Variants in GPR39 observed in about 807,000 individuals in gnomAD.
The protein encoded by GPR39 is G protein-coupled receptor 39.
GPR39 carries 23 observed loss-of-function variants against 18.4 expected under a neutral mutation model. The observed-to-expected ratio is 1.25, with a 90% CI of 0.90 to 1.77. GPR39 has a LOEUF of 1.77. GPR39 is among the 40% of genes most tolerant of loss of function. GPR39 has a pLI of 0.00. For missense variants in GPR39, 647 were observed against 602.4 expected, an observed-to-expected ratio of 1.07 and a Z score of -0.78; for synonymous variants, 280 against 257.9, an observed-to-expected ratio of 1.09 and a Z score of -0.82.
At chr2:132,504,286 C>G (rs1425141769) in intron 1 of GPR39, among the ~76,000 whole-genome samples, 2 of 152,156 alleles carry the variant, frequency 1.3e-5, no homozygotes, top group Non-Finnish European at 2.9e-5. Flanking sequence ...TCTCCTCTTG[C>G]CATGATATCT....
At chr2:132,513,462 C>A (rs1239411704) in intron 1 of GPR39, among the ~76,000 whole-genome samples, 21 of 149,462 alleles carry the variant, frequency 1.4e-4, no homozygotes, top group Admixed American at 1.3e-4. Flanking sequence ...GACTCTGTCT[C>A]AAAAAAAAAG....
At chr2:132,577,737 G>A (rs1305609373) in intron 1 of GPR39, among the ~76,000 whole-genome samples, 2 of 152,130 alleles carry the variant, frequency 1.3e-5, no homozygotes, top group Non-Finnish European at 2.9e-5. Flanking sequence ...CTTGTATCCT[G>A]TAACCTTATT....
At chr2:132,517,973 T>G (rs1275202098) in intron 1 of GPR39, among the ~76,000 whole-genome samples, 1 of 152,148 alleles carries the variant, frequency 6.6e-6, no homozygotes, top group Non-Finnish European at 1.5e-5. Flanking sequence ...TTTGCTATGT[T>G]TGGGGGGAAT....
chr2:132,617,425 CT>C (rs1442423850), intron 1 of GPR39, among the ~76,000 whole-genome samples: 4 of 152,106 alleles, frequency 2.6e-5, no homozygotes, highest in Non-Finnish European at 5.9e-5. Context: ...TTGTACCAAT[CT>C]TTAGAACACT....
chr2:132,627,229 G>C (rs1273624554), intron 1 of GPR39, among the ~76,000 whole-genome samples: 3 of 152,146 alleles, frequency 2.0e-5, no homozygotes, highest in Non-Finnish European at 2.9e-5. Flanking sequence ...TAGAGAGCGA[G>C]GACTACCTCC....
intron 1 of GPR39, among the ~76,000 whole-genome samples, chr2:132,482,221 G>A (rs1681247983): frequency 6.6e-6 from 1 of 152,132 alleles, no homozygotes; most frequent in South Asian, 2.1e-4. Context: ...TCTGTGTCAT[G>A]GGAATTCACT....
intron 1 of GPR39, among the ~76,000 whole-genome samples, chr2:132,455,283 T>A (rs1395483970): frequency 6.6e-6 from 1 of 152,228 alleles, no homozygotes; most frequent in Non-Finnish European, 1.5e-5. Context: ...GTGTTTATAG[T>A]ATTCTCTGAT....
intron 1 of GPR39, among the ~76,000 whole-genome samples, chr2:132,538,976 A>G (rs1171801234): frequency 6.6e-6 from 1 of 152,166 alleles, no homozygotes; most frequent in Non-Finnish European, 1.5e-5. Flanking sequence ...ATTTCAAGCC[A>G]GTGGTTCTTA....
intron 1 of GPR39, among the ~76,000 whole-genome samples, chr2:132,561,427 G>A (rs1000156125): frequency 6.6e-6 from 1 of 152,278 alleles, no homozygotes; most frequent in South Asian, 2.1e-4. Context: ...TAGTGTAGGA[G>A]ATGACTTCAT....
At chr2:132,481,263 C>T (rs905597069) in intron 1 of GPR39, among the ~76,000 whole-genome samples, 8 of 152,110 alleles carry the variant, frequency 5.3e-5, no homozygotes, top group Admixed American at 2.0e-4. Flanking sequence ...GTCATCACCT[C>T]AAGATTCCCA....
chr2:132,417,195 C>A lies in GPR39; in HGVS notation c.153C>A (p.Thr51=). ...TGGGCCTTCTGGGGAACAGCGCCAC[C>A]ATTCGGGTCACCCAGGTGCTGCAGA... ...FVMGLLGNSA[T]IRVTQVLQKK... is the part of the protein sequence containing the mutation. Residue 51 remains threonine (T), a synonymous_variant, in exon 1 of 2, where the codon ACC becomes ACA. Transcript: ENST00000329321. 6.2e-7 allele frequency: 1 copy of A among 1,614,120 alleles called. No homozygotes were observed. The highest frequency in any genetic ancestry group is 8.5e-7 in the Non-Finnish European group (1 of 1,180,016).
chr2:132,626,838 T>C (rs1455821012), intron 1 of GPR39, among the ~76,000 whole-genome samples: 2 of 152,192 alleles, frequency 1.3e-5, no homozygotes, highest in African/African-American at 2.4e-5. Context: ...CATATTCACA[T>C]TGGCTTAAGA....
At chr2:132,518,301 A>G (rs1465775382) in intron 1 of GPR39, among the ~76,000 whole-genome samples, 1 of 152,258 alleles carries the variant, frequency 6.6e-6, no homozygotes, top group East Asian at 1.9e-4. Flanking sequence ...TAGTACATTC[A>G]GCTGGATTTA....
At chr2:132,481,179 A>G (rs1290182303) in intron 1 of GPR39, among the ~76,000 whole-genome samples, 2 of 152,192 alleles carry the variant, frequency 1.3e-5, no homozygotes, top group African/African-American at 4.8e-5. Context: ...CAGAGGTGTG[A>G]GCTTATTTCT....
chr2:132,534,174 C>G (rs545055640), intron 1 of GPR39, among the ~76,000 whole-genome samples: 3 of 152,030 alleles, frequency 2.0e-5, no homozygotes, highest in Non-Finnish European at 4.4e-5. Context: ...AAAAAGTGGG[C>G]GAAGGATATG....
chr2:132,627,544 A>G lies in GPR39; in HGVS notation c.857-17557A>G, dbSNP rs569496773. Among the ~76,000 whole-genome samples the G allele has an allele frequency of 2.6e-5, 4 of 152,312 alleles. No homozygotes were observed. In the East Asian group the frequency reaches 5.8e-4, roughly 22 times the overall value. On this transcript the variant is annotated intron_variant, in intron 1 of 1. Coordinates refer to ENST00000329321, the MANE Select transcript of GPR39 (RefSeq NM_001508.3). ...ATTCCAGTCATCTTTCATGGAAGAT[A>G]TTAGTTTCCCGATTTTGCAATCAAT...
At chr2:132,634,247 A>T (rs2104873079) in intron 1 of GPR39, among the ~76,000 whole-genome samples, 1 of 152,202 alleles carries the variant, frequency 6.6e-6, no homozygotes, top group South Asian at 2.1e-4. Context: ...TCCTTTTCTG[A>T]CAGCAGTCAC....
intron 1 of GPR39, among the ~76,000 whole-genome samples, chr2:132,628,466 A>C (rs189624770): frequency 6.6e-6 from 1 of 152,310 alleles, no homozygotes; most frequent in Non-Finnish European, 1.5e-5. Context: ...CTCCTCACTC[A>C]TGCAGGGCCA....
At chr2:132,490,329 T>C (rs1681432328) in intron 1 of GPR39, among the ~76,000 whole-genome samples, 1 of 151,982 alleles carries the variant, frequency 6.6e-6, no homozygotes, top group African/African-American at 2.4e-5. Context: ...TGAGATATTC[T>C]TAATAATCTA....
Sources: gnomAD v4.1 joint callset for allele counts (sites outside exome capture counted in the v4.1 genomes callset) on GRCh38, gnomAD v4.1.1 for gene constraint, MANE v1.5 for transcripts, NCBI Gene and HGNC (gene_info 2026-07-23, HGNC 2026-07-21) for gene names.